Variants in MXD3 observed in about 807,000 individuals in gnomAD.
MXD3 encodes the protein MAX dimerization protein 3, also known as Max-associated protein 3.
MXD3 carries 20 observed loss-of-function variants against 27.5 expected under a neutral mutation model. The ratio of observed to expected loss-of-function variants is 0.73; its 90% confidence interval spans 0.51 to 1.06. MXD3 has a LOEUF of 1.06. Among genes scored for constraint, MXD3 ranks in the 50% least tolerant of loss-of-function variants. The pLI, the probability that MXD3 is intolerant of heterozygous loss-of-function variation, is 0.00. For synonymous variants in MXD3, 150 were observed against 130.7 expected (o/e 1.15, Z -1.01); for missense variants, 298 against 291.3 (o/e 1.02, Z -0.17).
At chr5:177,306,619 T>C, downstream of MXD3, 1 of 1,572,774 alleles carries the variant, frequency 6.4e-7, no homozygotes, top group Non-Finnish European at 8.6e-7. Context: ...TTAGCCTCTC[T>C]GCCCTCCCTT....
At chr5:177,312,078 C>G, upstream of MXD3, 1 of 1,194,606 alleles carries the variant, frequency 8.4e-7, no homozygotes, top group Non-Finnish European at 1.0e-6. Context: ...CAGGTAAGGG[C>G]GCTGGCTCCA....
At chr5:177,309,262 A>AG (rs1295332334) in intron 4 of MXD3, among the ~76,000 whole-genome samples, 1 of 152,206 alleles carries the variant, frequency 6.6e-6, no homozygotes, top group Non-Finnish European at 1.5e-5. Context: ...CTGGGTAGAT[A>AG]GGTGTGCTGC....
At chr5:177,310,858 G>T in intron 2 of MXD3, 161 bp from the exon 3 acceptor site, 1 of 781,478 alleles carries the variant, frequency 1.3e-6, no homozygotes, top group Non-Finnish European at 2.1e-6. Context: ...CCCTGGCAGG[G>T]CGAGGGGAGT....
rs750671130 is a variant in MXD3 at position 177,307,847 on chromosome 5, C to T, written c.439G>A (p.Glu147Lys). The change falls in exon 5 of 6, where the codon GAG becomes AAG. Residue 147 changes from glutamate (E) to lysine (K), a missense_variant. Glu to Lys is a moderately conservative substitution (Grantham distance 56). Coordinates refer to ENST00000439742, the MANE Select transcript of MXD3 (RefSeq NM_031300.4). ...LRGLAGAAER[E>K]RLRADSLDSS... ...TCCAGACTGTCCGCCCGCAGCCGCT[C>T]CCGCTCGGCCGCCCCTGCCAGCCCC... The T allele has an allele frequency of 1.2e-6, 2 of 1,610,718 alleles. No homozygotes were observed. The highest frequency in any genetic ancestry group is 2.2e-5 in the South Asian group (2 of 90,944).
At position 177,307,250 on chromosome 5, in the gene MXD3, G is replaced by C; in HGVS notation, c.*338C>G. 5 of 1,551,752 alleles carry C rather than the reference G, an allele frequency of 3.2e-6. No individual in the cohort carries two copies. The highest frequency in any genetic ancestry group is 4.4e-6 in the Non-Finnish European group (5 of 1,147,000). On this transcript the variant is annotated 3_prime_UTR_variant, in exon 6 of 6. Transcript: ENST00000439742. Reference sequence around the variant, plus strand: ...TTAATGAAAATACTGTACAGTTTATGTGAGGCAAAGGCAGGGGGCCTTGTC... The same window carrying C: ...TTAATGAAAATACTGTACAGTTTATCTGAGGCAAAGGCAGGGGGCCTTGTC...
At chr5:177,306,817 AG>A (rs1760891101), downstream of MXD3, 3 of 759,590 alleles carry the variant, frequency 3.9e-6, no homozygotes, top group South Asian at 5.7e-5. Context: ...CCGGGGCTCC[AG>A]GTAGCCTGCA....
chr5:177,311,517 G>C (rs895550903), intron 1 of MXD3, 33 bp from the exon 2 acceptor site: 2 of 1,389,110 alleles, frequency 1.4e-6, no homozygotes, highest in Non-Finnish European at 1.9e-6. Context: ...GCGTCAGGCT[G>C]GGGCTGGACC....
At chr5:177,305,907 G>A, downstream of MXD3, 1 of 1,614,162 alleles carries the variant, frequency 6.2e-7, no homozygotes, top group African/African-American at 1.3e-5. Context: ...TGTGAACTCT[G>A]ACAACAGTGG....
At chr5:177,305,781 T>C, downstream of MXD3, 7 of 1,048,492 alleles carry the variant, frequency 6.7e-6, no homozygotes, top group Non-Finnish European at 1.0e-5. Context: ...TTGTATTGCT[T>C]CGCCTCATGA....
chr5:177,311,577 G>C, intron 1 of MXD3, 93 bp from the exon 2 acceptor site: 2 of 1,215,028 alleles, frequency 1.6e-6, no homozygotes, highest in Non-Finnish European at 2.2e-6. Flanking sequence ...AAGGCTTTTG[G>C]CGCCAGGACC....
downstream of MXD3, chr5:177,305,910 A>G: frequency 1.2e-6 from 2 of 1,614,172 alleles, no homozygotes; most frequent in Non-Finnish European, 1.7e-6. Flanking sequence ...GAACTCTGAC[A>G]ACAGTGGCTG....
intron 2 of MXD3, chr5:177,311,124 G>A: frequency 1.9e-6 from 1 of 529,210 alleles, no homozygotes; most frequent in African/African-American, 1.9e-5. Context: ...TGGGGTGCGG[G>A]AGTGCGAGTG....
chr5:177,311,460 A>T lies in MXD3; in HGVS notation c.95T>A (p.Leu32Gln). 1 of 1,431,554 alleles carries T rather than the reference A, an allele frequency of 7.0e-7. No individual in the cohort carries two copies. Among genetic ancestry groups the T allele is most frequent in the South Asian group, 1.5e-5 (1 of 65,308 alleles). The allele number at this position is 1,431,554 out of a possible 1,614,324, so 88.7% of individuals were successfully genotyped here. Residue 32 changes from leucine (L) to glutamine (Q), a missense_variant, in exon 2 of 6, where the codon CTG becomes CAG. Leu to Gln is a moderately radical substitution (Grantham distance 113). Coordinates refer to ENST00000439742, the MANE Select transcript of MXD3 (RefSeq NM_031300.4). ...EREAEHGYASLCPHRSPGPIH... is the reference protein window; with the variant it reads ...EREAEHGYASQCPHRSPGPIH... ...GGGGCCTGGACTGCGATGCGGGCAC[A>T]GGGACGCATAACCATGCTCGGCCTC... is the stretch of plus-strand genomic sequence containing the variant.
chr5:177,308,378 GTT>G (rs561139172), intron 4 of MXD3, among the ~76,000 whole-genome samples: 1 of 146,448 alleles, frequency 6.8e-6, no homozygotes, highest in Admixed American at 6.8e-5. Flanking sequence ...TTTGTTTTTT[GTT>G]TTTTTTTTTT....
At chr5:177,310,338 G>GT in intron 4 of MXD3, 88 bp downstream of exon 4, 1 of 1,006,978 alleles carries the variant, frequency 9.9e-7, no homozygotes, top group South Asian at 1.6e-5. Context: ...CTGACCTCAG[G>GT]TCTCGTTCCC....
downstream of MXD3, chr5:177,305,840 T>C (rs549550658): frequency 6.3e-7 from 1 of 1,584,852 alleles, no homozygotes; most frequent in Admixed American, 1.7e-5. Flanking sequence ...AATGAAAGAC[T>C]GTTCCACGAT....
chr5:177,311,513 G>C, intron 1 of MXD3, 29 bp from the exon 2 acceptor site: 2 of 1,396,226 alleles, frequency 1.4e-6, no homozygotes, highest in Non-Finnish European at 1.9e-6. Context: ...GCCCGCGTCA[G>C]GCTGGGGCTG....
intron 1 of MXD3, 37 bp from the exon 2 acceptor site, chr5:177,311,521 C>T (rs949895602): frequency 1.4e-6 from 2 of 1,403,376 alleles, no homozygotes; most frequent in African/African-American, 3.0e-5. Context: ...CAGGCTGGGG[C>T]TGGACCTGGT....
chr5:177,307,560 G>A lies in MXD3; in HGVS notation c.*28C>T, dbSNP rs1172140638. The A allele has an allele frequency of 1.2e-6, 2 of 1,608,400 alleles. No individual in the cohort carries two copies. The highest frequency in any genetic ancestry group is 1.7e-6 in the Non-Finnish European group (2 of 1,178,628). The stretch of plus-strand genomic sequence containing the variant: ...GCAAGTGGGCCTGGCACGAGTAGAG[G>A]GCAGAGGCCCGCCCTGGGTGAGGAA... On this transcript the variant is annotated 3_prime_UTR_variant, in exon 6 of 6. Transcript: ENST00000439742.
Sources: allele counts gnomAD v4.1 joint callset (sites outside exome capture counted in the v4.1 genomes callset), GRCh38; gene constraint gnomAD v4.1.1; transcripts MANE v1.5; gene names NCBI Gene and HGNC (gene_info 2026-07-23, HGNC 2026-07-21).